Variants in LRRC8D observed in about 807,000 individuals in gnomAD.
The protein encoded by LRRC8D is leucine rich repeat containing 8 VRAC subunit D.
A neutral mutation model predicts 55.8 loss-of-function variants in LRRC8D; 20 were observed. That is an observed-to-expected ratio of 0.36 (90% CI 0.25 to 0.52). The LOEUF (loss-of-function observed/expected upper bound fraction) is 0.52. LRRC8D is among the 20% of genes least tolerant of loss of function. The pLI, the probability that LRRC8D is intolerant of heterozygous loss-of-function variation, is 0.93. For synonymous variants in LRRC8D, 352 were observed against 377.0 expected, an observed-to-expected ratio of 0.93 and a Z score of 0.77; for missense variants, 651 against 1,030.8, an observed-to-expected ratio of 0.63 and a Z score of 5.05.
intron 2 of LRRC8D, among the ~76,000 whole-genome samples, chr1:89,856,248 A>G (rs1382868593): frequency 6.6e-6 from 1 of 152,178 alleles, no homozygotes; most frequent in Non-Finnish European, 1.5e-5. Context: ...ATAATTGCAT[A>G]GCTATGCTAG....
chr1:89,854,062 T>A (rs958502396), intron 2 of LRRC8D, among the ~76,000 whole-genome samples: 1 of 152,122 alleles, frequency 6.6e-6, no homozygotes, highest in Admixed American at 6.5e-5. Context: ...ACAAGCATAC[T>A]CAAAGGGGTT....
intron 2 of LRRC8D, among the ~76,000 whole-genome samples, chr1:89,912,802 G>A (rs141894017): frequency 3.0e-4 from 46 of 151,948 alleles, no homozygotes; most frequent in Non-Finnish European, 5.6e-4. Flanking sequence ...TAAGTCCTTA[G>A]TGTTTATAAA....
intron 1 of LRRC8D, among the ~76,000 whole-genome samples, chr1:89,841,271 G>A (rs1462342910): frequency 1.3e-5 from 2 of 152,080 alleles, no homozygotes; most frequent in African/African-American, 4.8e-5. Context: ...CTTCTTCCCC[G>A]CCCCTGCCTT....
intron 1 of LRRC8D, among the ~76,000 whole-genome samples, chr1:89,833,472 C>T (rs1197186142): frequency 6.6e-6 from 1 of 152,192 alleles, no homozygotes; most frequent in African/African-American, 2.4e-5. Context: ...TGGTGAGCTT[C>T]TGAGAGCACT....
At chr1:89,902,549 T>G (rs528634328) in intron 2 of LRRC8D, among the ~76,000 whole-genome samples, 33 of 152,086 alleles carry the variant, frequency 2.2e-4, no homozygotes, top group African/African-American at 7.5e-4. Flanking sequence ...TTCTTTTTTT[T>G]TTTTTGAGAC....
Position 89,933,307 on chromosome 1 carries a change from C to G in LRRC8D, c.239C>G (p.Pro80Arg). Residue 80 changes from proline to arginine, a missense_variant, in exon 3 of 3, where the codon CCA (proline) becomes CGA (arginine). By Grantham distance (103) the Pro-to-Arg change is moderately radical. Transcript: ENST00000337338. The surrounding 1 kb of genome is among the most constrained non-coding windows in gnomAD (Gnocchi z 7.0). ...AATGCCGAGGTCACCACCAACATCC[C>G]AAAGATGGAAGCAGCCACCAACCAA... ...PGNAEVTTNI[P>R]KMEAATNQDQ... 1 of 1,614,128 alleles carries G rather than the reference C, an allele frequency of 6.2e-7. No homozygotes were observed. Among genetic ancestry groups the G allele is most frequent in the Non-Finnish European group, 8.5e-7 (1 of 1,180,014 alleles).
chr1:89,922,001 G>A lies in LRRC8D; in HGVS notation c.-2-11066G>A, dbSNP rs1166987132. On this transcript the variant is annotated intron_variant, in intron 2 of 2. Coordinates refer to ENST00000337338, the MANE Select transcript of LRRC8D (RefSeq NM_001134479.2). ...CAAATGGGAACAAAGAGCAAGATTT[G>A]AATCCAGGTCTCTTGGGCATCGGAG... Among the ~76,000 whole-genome samples the A allele has an allele frequency of 2.6e-5, 4 of 152,120 alleles. No homozygotes were observed. In the East Asian group the frequency reaches 7.7e-4, roughly 29 times the overall value.
chr1:89,931,257 G>A (rs1367872955), intron 2 of LRRC8D, among the ~76,000 whole-genome samples: 7 of 131,904 alleles, frequency 5.3e-5, no homozygotes, highest in African/African-American at 1.2e-4. Flanking sequence ...GAAGGGTTTC[G>A]GAAAAAAAAA....
At chr1:89,874,439 CTATTTGTGTG>C (rs1412875211) in intron 2 of LRRC8D, among the ~76,000 whole-genome samples, 2 of 115,564 alleles carry the variant, frequency 1.7e-5, no homozygotes, top group African/African-American at 7.1e-5. Flanking sequence ...AAGTAAGAAA[CTATTTGTGTG>C]TGTGTGTGTG....
chr1:89,826,782 G>T lies in LRRC8D; in HGVS notation c.-148+5491G>T, dbSNP rs562101534. ...AAGGAACACACAGTGGAATTTCTAGGTTTGCAGATGACAGCTTTTCTGGAT... is the reference window on the plus strand; with the variant it reads ...AAGGAACACACAGTGGAATTTCTAGTTTTGCAGATGACAGCTTTTCTGGAT... On this transcript the variant is annotated intron_variant, in intron 1 of 2. Coordinates refer to ENST00000337338, the MANE Select transcript of LRRC8D (RefSeq NM_001134479.2). Among the ~76,000 whole-genome samples the T allele has an allele frequency of 2.8e-4, 43 of 152,284 alleles. No homozygotes were observed. In the East Asian group the frequency reaches 8.1e-3, roughly 29 times the overall value.
At chr1:89,834,144 A>G (rs1415462883) in intron 1 of LRRC8D, among the ~76,000 whole-genome samples, 2 of 152,248 alleles carry the variant, frequency 1.3e-5, no homozygotes, top group African/African-American at 4.8e-5. Context: ...GAATAGAAAT[A>G]TTGTGAAATT....
chr1:89,828,975 C>G (rs1660827151), intron 1 of LRRC8D, among the ~76,000 whole-genome samples: 1 of 152,166 alleles, frequency 6.6e-6, no homozygotes, highest in Non-Finnish European at 1.5e-5. Flanking sequence ...AGCTGTGTCT[C>G]AAAATCTCTC....
chr1:89,880,439 G>C lies in LRRC8D; in HGVS notation c.-3+36657G>C, dbSNP rs116074013. Among the ~76,000 whole-genome samples the C allele has an allele frequency of 2.6e-3, 387 of 151,104 alleles. 2 individuals carry two copies. The highest frequency in any genetic ancestry group is 2.1e-3 in the Non-Finnish European group (143 of 67,738). Reference sequence around the variant, plus strand: ...TTGGACATTTGTCATAAATCAGAAAGAAGAGACCTAGGTTTGATTTTTTTT... The same window carrying C: ...TTGGACATTTGTCATAAATCAGAAACAAGAGACCTAGGTTTGATTTTTTTT... On this transcript the variant is annotated intron_variant, in intron 2 of 2. Transcript: ENST00000337338.
chr1:89,932,543 C>T (rs987798873), intron 2 of LRRC8D, among the ~76,000 whole-genome samples: 1 of 152,182 alleles, frequency 6.6e-6, no homozygotes, highest in Non-Finnish European at 1.5e-5. Flanking sequence ...TTTCCAACAA[C>T]CCTTAGAAGT....
At chr1:89,875,334 A>G (rs1662120162) in intron 2 of LRRC8D, among the ~76,000 whole-genome samples, 1 of 152,204 alleles carries the variant, frequency 6.6e-6, no homozygotes, top group Admixed American at 6.5e-5. Flanking sequence ...TGTCCATTAA[A>G]TGTTCTTCAT....
intron 1 of LRRC8D, among the ~76,000 whole-genome samples, chr1:89,832,967 T>C (rs72965649): frequency 0.015 from 2,275 of 152,292 alleles, 58 homozygotes; most frequent in African/African-American, 0.052. Context: ...GGCTGGCTTC[T>C]CTAGTCTGGC....
At chr1:89,861,687 T>G (rs1661724239) in intron 2 of LRRC8D, among the ~76,000 whole-genome samples, 1 of 152,234 alleles carries the variant, frequency 6.6e-6, no homozygotes, top group African/African-American at 2.4e-5. Flanking sequence ...CATTGCTACT[T>G]TAGCTTTCCT....
At chr1:89,885,367 T>C (rs963876987) in intron 2 of LRRC8D, among the ~76,000 whole-genome samples, 7 of 152,192 alleles carry the variant, frequency 4.6e-5, no homozygotes, top group African/African-American at 1.4e-4. Context: ...TTATGAGTCA[T>C]AAAAGAAACA....
intron 2 of LRRC8D, among the ~76,000 whole-genome samples, chr1:89,876,948 T>C (rs1662163716): frequency 6.6e-6 from 1 of 152,246 alleles, no homozygotes; most frequent in Non-Finnish European, 1.5e-5. Flanking sequence ...GCACATGAAG[T>C]GTGGAAAATG....
Sources: allele counts gnomAD v4.1 joint callset (sites outside exome capture counted in the v4.1 genomes callset), GRCh38; gene constraint gnomAD v4.1.1; non-coding constraint Gnocchi (gnomAD v3.1); transcripts MANE v1.5; gene names NCBI Gene and HGNC (gene_info 2026-07-23, HGNC 2026-07-21).